The following PHACTR1 variants were observed in gnomAD, a reference collection of about 807,000 sequenced individuals.
The protein encoded by PHACTR1 is phosphatase and actin regulator 1.
PHACTR1 carries 16 observed loss-of-function variants against 69.2 expected under a neutral mutation model. The observed-to-expected ratio is 0.23, with a 90% CI of 0.16 to 0.35. PHACTR1 has a LOEUF of 0.35. Among genes scored for constraint, PHACTR1 ranks in the 10% least tolerant of loss-of-function variants. PHACTR1 has a pLI of 1.00. For synonymous variants in PHACTR1, 312 were observed against 284.5 expected (o/e 1.10, Z -0.97); for missense variants, 510 against 734.7 (o/e 0.69, Z 3.54).
intron 4 of PHACTR1, among the ~76,000 whole-genome samples, chr6:12,762,340 C>T (rs994179532): frequency 2.6e-5 from 4 of 152,180 alleles, no homozygotes; most frequent in Non-Finnish European, 5.9e-5. Context: ...ATAATGCAGA[C>T]CACACCAAAT....
At chr6:13,062,421 T>C (rs975202871) in intron 5 of PHACTR1, among the ~76,000 whole-genome samples, 1 of 152,218 alleles carries the variant, frequency 6.6e-6, no homozygotes, top group African/African-American at 2.4e-5. Context: ...CTGCTTCCTT[T>C]ATGTCTTCCA....
chr6:12,985,330 C>T (rs1348541470), intron 4 of PHACTR1, among the ~76,000 whole-genome samples: 1 of 151,938 alleles, frequency 6.6e-6, no homozygotes, highest in Non-Finnish European at 1.5e-5. Flanking sequence ...CTAGATTTTG[C>T]ATGGGCTCAA....
intron 5 of PHACTR1, among the ~76,000 whole-genome samples, chr6:13,089,134 AAC>A (rs1348190866): frequency 5.3e-5 from 8 of 152,120 alleles, no homozygotes; most frequent in African/African-American, 1.9e-4. Context: ...CAAGATTACA[AAC>A]ACAGTCCCCT....
chr6:12,889,725 TTTC>T (rs1783976776), intron 4 of PHACTR1, among the ~76,000 whole-genome samples: 1 of 150,618 alleles, frequency 6.6e-6, no homozygotes, highest in Non-Finnish European at 1.5e-5. Context: ...AAGGTTCAAT[TTTC>T]TTCTTCTTTC....
chr6:13,149,410 A>G (rs1823955347), intron 5 of PHACTR1, among the ~76,000 whole-genome samples: 1 of 151,096 alleles, frequency 6.6e-6, no homozygotes, highest in Non-Finnish European at 1.5e-5. Context: ...TTCTCAGAGC[A>G]TCTCTGTGGG....
rs1792593606 is a variant in PHACTR1, at chr6:12,960,637, CA to C, written c.251-92727del. Reference sequence around the variant, plus strand: ...GGACAAAGTAGCCCTTGTCTCCGGACAGCCCCAAACACCTTCTAATGGATGT... The same window carrying C: ...GGACAAAGTAGCCCTTGTCTCCGGACGCCCCAAACACCTTCTAATGGATGT... On this transcript the variant is annotated intron_variant, in intron 4 of 14. Transcript: ENST00000332995. Among the ~76,000 whole-genome samples, 4 of 152,344 alleles carry C rather than the reference CA, an allele frequency of 2.6e-5. No homozygotes were observed. The South Asian group carries it at 8.3e-4, about 32-fold the overall frequency.
chr6:13,232,709 C>T (rs949984095), intron 10 of PHACTR1, among the ~76,000 whole-genome samples: 4 of 152,124 alleles, frequency 2.6e-5, no homozygotes, highest in Non-Finnish European at 5.9e-5. Flanking sequence ...TCCTGGCTTC[C>T]CCAATCTCTC....
chr6:12,764,818 A>G (rs998989054), intron 4 of PHACTR1, among the ~76,000 whole-genome samples: 1 of 151,980 alleles, frequency 6.6e-6, no homozygotes, highest in African/African-American at 2.4e-5. Flanking sequence ...AAATGTCTAG[A>G]GGTCATGGAT....
chr6:13,187,016 C>T (rs544981686), intron 7 of PHACTR1, among the ~76,000 whole-genome samples: 49 of 152,250 alleles, frequency 3.2e-4, no homozygotes, highest in Admixed American at 1.7e-3. Context: ...GCCTGGATTC[C>T]TCACATGCGC....
intron 4 of PHACTR1, among the ~76,000 whole-genome samples, chr6:12,788,818 A>C (rs1485732924): frequency 6.6e-6 from 1 of 152,222 alleles, no homozygotes; most frequent in African/African-American, 2.4e-5. Flanking sequence ...TAAAGTAACA[A>C]GAGGAGGCAG....
chr6:13,283,402 AT>A lies in PHACTR1; in HGVS notation c.1510-19del. ...TCAACCCTTCTGGCTGACTGGGTCC[AT>A]CTCTCTCCCTCCCTGCAGCTCAGTC... On this transcript the variant is annotated intron_variant, in intron 12 of 14. Coordinates refer to ENST00000332995, the MANE Select transcript of PHACTR1 (RefSeq NM_030948.6). This position sits in a 1 kb window ranked among gnomAD's most constrained non-coding sequence, Gnocchi z 4.7. 1 of 1,612,518 alleles carries A rather than the reference AT, an allele frequency of 6.2e-7. No homozygotes were observed. Among genetic ancestry groups the A allele is most frequent in the Non-Finnish European group, 8.5e-7 (1 of 1,179,448 alleles).
rs150783311 is a variant in PHACTR1, at chr6:13,155,627, C to T, written c.416-4577C>T. Among the ~76,000 whole-genome samples, 1,013 of 152,262 alleles carry T rather than the reference C, an allele frequency of 6.7e-3. 34 individuals carry two copies. In the East Asian group the frequency reaches 0.099, roughly 15 times the overall value. Reference sequence around the variant, plus strand: ...GTTCCTGGCTGGGCACAGTGGCTCACGCCTGTAATCCTAGCACTTTGGGAG... The same window carrying T: ...GTTCCTGGCTGGGCACAGTGGCTCATGCCTGTAATCCTAGCACTTTGGGAG... On this transcript the variant is annotated intron_variant, in intron 5 of 14. Coordinates refer to ENST00000332995, the MANE Select transcript of PHACTR1 (RefSeq NM_030948.6).
chr6:12,768,109 C>CTTTTTTTTTTT (rs781107897), intron 4 of PHACTR1, among the ~76,000 whole-genome samples: 1 of 107,568 alleles, frequency 9.3e-6, no homozygotes, highest in Non-Finnish European at 1.8e-5. Context: ...CTATCAAATC[C>CTTTTTTTTTTT]TTTTTTTTTT....
At chr6:12,807,664 C>T (rs902058883) in intron 4 of PHACTR1, among the ~76,000 whole-genome samples, 3 of 152,356 alleles carry the variant, frequency 2.0e-5, no homozygotes, top group African/African-American at 7.2e-5. Context: ...ACCACCCAGT[C>T]TGCCCAATGA....
chr6:12,758,044 G>A (rs879468164), intron 4 of PHACTR1, among the ~76,000 whole-genome samples: 29 of 152,116 alleles, frequency 1.9e-4, no homozygotes, highest in South Asian at 4.2e-4. Context: ...CCCGAGAGGC[G>A]GAGGTTACAG....
At chr6:12,934,706 C>T (rs190328855) in intron 4 of PHACTR1, among the ~76,000 whole-genome samples, 13 of 152,094 alleles carry the variant, frequency 8.5e-5, no homozygotes, top group East Asian at 3.9e-4. Context: ...TGTGGTAGCA[C>T]GCGCCTGTAA....
intron 5 of PHACTR1, among the ~76,000 whole-genome samples, chr6:13,152,059 G>A (rs944135152): frequency 6.6e-6 from 1 of 152,080 alleles, no homozygotes; most frequent in South Asian, 2.1e-4. Context: ...CAGGCTGGGC[G>A]CAGTGGCTCA....
intron 4 of PHACTR1, among the ~76,000 whole-genome samples, chr6:13,017,194 AAAAAAAAAAAAAAAT>A (rs1800309793): frequency 6.6e-6 from 1 of 151,124 alleles, no homozygotes; most frequent in African/African-American, 2.4e-5. Context: ...TCAAAAAAAA[AAAAAAAAAAAAAAAT>A]GCATCAACAA....
chr6:12,887,503 C>G (rs1369313940), intron 4 of PHACTR1, among the ~76,000 whole-genome samples: 1 of 152,216 alleles, frequency 6.6e-6, no homozygotes, highest in Admixed American at 6.5e-5. Flanking sequence ...CCCTTATCAT[C>G]TAGCAGCGTC....
Sources: gnomAD v4.1 joint callset for allele counts (sites outside exome capture counted in the v4.1 genomes callset) on GRCh38, gnomAD v4.1.1 for gene constraint, Gnocchi (gnomAD v3.1) non-coding constraint, MANE v1.5 for transcripts, NCBI Gene and HGNC (gene_info 2026-07-23, HGNC 2026-07-21) for gene names.